HSPA12B: variants seen among roughly 807,000 people sequenced by gnomAD.
The protein encoded by HSPA12B is heat shock 70 kDa protein 12B.
Under a neutral mutation model 69.3 loss-of-function variants are expected in HSPA12B, and 54 were observed. The observed-to-expected ratio is 0.78, with a 90% CI of 0.63 to 0.98. The LOEUF (loss-of-function observed/expected upper bound fraction) is 0.98, where lower values mean the gene tolerates loss of function less well. Ranked by LOEUF, HSPA12B falls within the 50% of genes least tolerant of loss-of-function variation. The pLI, the probability that HSPA12B is intolerant of heterozygous loss-of-function variation, is 0.00. For missense variants in HSPA12B, 929 were observed against 999.8 expected, an observed-to-expected ratio of 0.93 and a Z score of 0.96; for synonymous variants, 441 against 436.5, an observed-to-expected ratio of 1.01 and a Z score of -0.13.
intron 7 of HSPA12B, 115 bp from the exon 8 acceptor site, chr20:3,748,102 G>A: frequency 2.2e-6 from 2 of 925,916 alleles, no homozygotes; most frequent in Non-Finnish European, 3.1e-6. Context: ...ACATGGGTGG[G>A]GTGTGATGGA....
chr20:3,750,347 A>C, intron 11 of HSPA12B, 120 bp downstream of exon 11: 10 of 1,076,798 alleles, frequency 9.3e-6, no homozygotes, highest in South Asian at 1.8e-5. Flanking sequence ...CATATACACT[A>C]AGCCAGCAGG....
chr20:3,748,103 G>T, intron 7 of HSPA12B, 114 bp from the exon 8 acceptor site: 2 of 936,736 alleles, frequency 2.1e-6, no homozygotes, highest in Non-Finnish European at 3.1e-6. Flanking sequence ...CATGGGTGGG[G>T]TGTGATGGAG....
At chr20:3,738,780 C>T in intron 2 of HSPA12B, 63 bp downstream of exon 2, 1 of 1,563,844 alleles carries the variant, frequency 6.4e-7, no homozygotes, top group Non-Finnish European at 8.8e-7. Flanking sequence ...CACTGAGACC[C>T]ACCTACAGGT....
In HSPA12B at chr20:3,732,744, G is replaced by A. The variant is rs1281718174; in HGVS notation, c.-68G>A. 3 of 152,058 alleles carry A rather than the reference G, an allele frequency of 2.0e-5. No individual in the cohort carries two copies. The highest frequency in any genetic ancestry group is 4.4e-5 in the Non-Finnish European group (3 of 67,936). The allele number at this position is 152,058 out of a possible 1,614,324, so 9.4% of individuals were successfully genotyped here. A position where few individuals can be genotyped will look rare whatever the true frequency, so the allele number is the denominator to read the frequency against. On this transcript the variant is annotated 5_prime_UTR_variant, in exon 1 of 13. Transcript: ENST00000254963. ...CAGCGGGCACGGCCAACGAGCTGCG[G>A]GCCCGGGATCGCGGCGGCTGGACGG...
chr20:3,738,066 G>C (rs1400288217), intron 1 of HSPA12B, among the ~76,000 whole-genome samples: 1 of 152,146 alleles, frequency 6.6e-6, no homozygotes, highest in Admixed American at 6.5e-5. Flanking sequence ...AACCTTTCAA[G>C]ATTTGCTGTT....
rs1401393813 is a variant in HSPA12B at position 3,745,408 on chromosome 20, A to G, written c.454-85A>G. 3.1e-6 allele frequency: 3 copies of G among 980,074 alleles called. No homozygotes were observed. The highest frequency in any genetic ancestry group is 2.1e-4 in the Middle Eastern group (1 of 4,810). The allele number at this position is 980,074 out of a possible 1,614,324, so 60.7% of individuals were successfully genotyped here. ...GGTAAAGAGGAGGGGAAGCTCCAGG[A>G]AACGGGGTGATTTTAAGAGCGAGGT... is the stretch of plus-strand genomic sequence containing the variant. On this transcript the variant is annotated intron_variant, in intron 5 of 12. Coordinates refer to ENST00000254963, the MANE Select transcript of HSPA12B (RefSeq NM_052970.5). The surrounding 1 kb of genome is among the most constrained non-coding windows in gnomAD (Gnocchi z 5.6).
rs763332620 is a variant in HSPA12B, at chr20:3,748,203, C to T, written c.676-14C>T. 1.3e-6 allele frequency: 2 copies of T among 1,532,962 alleles called. No individual in the cohort carries two copies. Among genetic ancestry groups the T allele is most frequent in the Admixed American group, 3.8e-5 (2 of 52,610 alleles). 95.0% of individuals were successfully genotyped at this position (1,532,962 alleles called of 1,614,324 possible). A position where few individuals can be genotyped will look rare whatever the true frequency, so the allele number is the denominator to read the frequency against. Reference sequence around the variant, plus strand: ...CCACAGTGCTGCCTGACCCTGCCCACCACCCATCCCCAGGCTGGACTAGTG... The same window carrying T: ...CCACAGTGCTGCCTGACCCTGCCCATCACCCATCCCCAGGCTGGACTAGTG... On this transcript the variant is annotated splice_polypyrimidine_tract_variant and intron_variant, in intron 7 of 12. Transcript: ENST00000254963.
intron 7 of HSPA12B, among the ~76,000 whole-genome samples, chr20:3,746,504 G>A (rs560482858): frequency 1.3e-5 from 2 of 151,906 alleles, no homozygotes; most frequent in South Asian, 2.1e-4. Context: ...GGGTTTCATC[G>A]TGTTAGCCAG....
At position 3,736,502 on chromosome 20, in the gene HSPA12B, A is replaced by G. The variant is rs574443452; in HGVS notation, c.-17-2156A>G. 2.6e-5 allele frequency among the ~76,000 whole-genome samples: 4 copies of G among 152,360 alleles called. No individual in the cohort carries two copies. The East Asian group carries it at 5.8e-4, about 22-fold the overall frequency. On this transcript the variant is annotated intron_variant, in intron 1 of 12. Coordinates refer to ENST00000254963, the MANE Select transcript of HSPA12B (RefSeq NM_052970.5). ...AGGGTGTGTGCATGTGTCTATGGGC[A>G]TGCCAGAGCCAGCTCTGTGTCTGCC...
chr20:3,742,163 G>A, intron 3 of HSPA12B, 121 bp from the exon 4 acceptor site: 1 of 1,433,176 alleles, frequency 7.0e-7, no homozygotes, highest in South Asian at 1.3e-5. Flanking sequence ...CAGGTCCAGG[G>A]CTGGTCTGGA....
chr20:3,748,435 G>A (rs1183898146), intron 8 of HSPA12B, 44 bp downstream of exon 8: 1 of 1,456,786 alleles, frequency 6.9e-7, no homozygotes, highest in Non-Finnish European at 9.1e-7. Flanking sequence ...GAGGGTCAGA[G>A]GGTCACTGAA....
intron 1 of HSPA12B, among the ~76,000 whole-genome samples, chr20:3,735,529 G>C (rs577214100): frequency 6.6e-6 from 1 of 151,006 alleles, no homozygotes; most frequent in East Asian, 1.9e-4. Flanking sequence ...GCAATGGCGC[G>C]ATCTTGGCTC....
rs1461363284 is a variant in HSPA12B, at chr20:3,752,301, G to A, written c.*135G>A. Reference sequence around the variant, plus strand: ...CTTTCCACGCCCTCCAGCCCCGGGGGAGATAAGGTCATGGGAGAGTGGGTG... The same window carrying A: ...CTTTCCACGCCCTCCAGCCCCGGGGAAGATAAGGTCATGGGAGAGTGGGTG... On this transcript the variant is annotated 3_prime_UTR_variant, in exon 13 of 13. Coordinates refer to ENST00000254963, the MANE Select transcript of HSPA12B (RefSeq NM_052970.5). 2.3e-6 allele frequency: 2 copies of A among 875,478 alleles called. No individual in the cohort carries two copies. The highest frequency in any genetic ancestry group is 3.1e-5 in the East Asian group (1 of 31,894). The allele number at this position is 875,478 out of a possible 1,614,324, so 54.2% of individuals were successfully genotyped here. A position where few individuals can be genotyped will look rare whatever the true frequency, so the allele number is the denominator to read the frequency against.
chr20:3,746,256 T>C (rs1252958868), intron 7 of HSPA12B, among the ~76,000 whole-genome samples: 8 of 149,512 alleles, frequency 5.4e-5, no homozygotes, highest in Non-Finnish European at 1.2e-4. Context: ...GTGTAGACAG[T>C]GCCTTAAGTC....
chr20:3,745,712 C>T lies in HSPA12B; in HGVS notation c.558+115C>T. 9.9e-7 allele frequency: 1 copy of T among 1,006,448 alleles called. No individual in the cohort carries two copies. Among genetic ancestry groups the T allele is most frequent in the Non-Finnish European group, 1.5e-6 (1 of 652,876 alleles). 62.3% of individuals were successfully genotyped at this position (1,006,448 alleles called of 1,614,324 possible). ...TGGATGGGTAGCCACCGCCGGAGCTCAGAGGTCATCTTCTCCAGTACCCTC... is the reference window on the plus strand; with the variant it reads ...TGGATGGGTAGCCACCGCCGGAGCTTAGAGGTCATCTTCTCCAGTACCCTC... On this transcript the variant is annotated intron_variant, in intron 6 of 12. Coordinates refer to ENST00000254963, the MANE Select transcript of HSPA12B (RefSeq NM_052970.5). This position sits in a 1 kb window ranked among gnomAD's most constrained non-coding sequence, Gnocchi z 5.6.
intron 1 of HSPA12B, among the ~76,000 whole-genome samples, chr20:3,735,275 G>C (rs908839712): frequency 6.6e-6 from 1 of 152,194 alleles, no homozygotes; most frequent in South Asian, 2.1e-4. Flanking sequence ...CTGAGGCACA[G>C]AGATGTGGCA....
At chr20:3,741,048 A>G (rs1056402100) in intron 3 of HSPA12B, 136 bp downstream of exon 3, 3 of 655,272 alleles carry the variant, frequency 4.6e-6, no homozygotes, top group African/African-American at 3.7e-5. Flanking sequence ...GTCCCCGTAC[A>G]CTCCAGTCAT....
At position 3,750,837 on chromosome 20, in the gene HSPA12B, G is replaced by A. The variant is rs769876717; in HGVS notation, c.1335G>A (p.Met445Ile). The change falls in exon 12 of 13, where the codon ATG becomes ATA. Residue 445 changes from methionine (M) to isoleucine (I), a missense_variant. By Grantham distance (10) the Met-to-Ile change is conservative (BLOSUM62 1). Transcript: ENST00000254963. ...TCGTGAAGTGGTCCTCACAGGGGAT[G>A]CTCCGAATGTCTTGTGAAGCCATGA... ...VNFVKWSSQG[M>I]LRMSCEAMNE... 6.2e-7 allele frequency: 1 copy of A among 1,613,988 alleles called. No homozygotes were observed. Among genetic ancestry groups the A allele is most frequent in the South Asian group, 1.1e-5 (1 of 91,092 alleles).
rs1174602700 is a variant in HSPA12B, at chr20:3,749,004, G to A, written c.851-228G>A. Among the ~76,000 whole-genome samples, 1 of 152,146 alleles carries A rather than the reference G, an allele frequency of 6.6e-6. No homozygotes were observed. Among genetic ancestry groups the A allele is most frequent in the East Asian group, 1.9e-4 (1 of 5,192 alleles). On this transcript the variant is annotated intron_variant, in intron 8 of 12. Transcript: ENST00000254963. The surrounding 1 kb of genome is among the most constrained non-coding windows in gnomAD (Gnocchi z 5.5). ...ATTTTGCCATGACCTGAGACCTCCT[G>A]CGTTAAAGGAAGGCCCTGTGTCCAT...
Sources: allele counts gnomAD v4.1 joint callset (sites outside exome capture counted in the v4.1 genomes callset), GRCh38; gene constraint gnomAD v4.1.1; non-coding constraint Gnocchi (gnomAD v3.1); transcripts MANE v1.5; gene names NCBI Gene and HGNC (gene_info 2026-07-23, HGNC 2026-07-21).